Variants in C2CD3 observed in about 807,000 individuals in gnomAD.
The protein encoded by C2CD3 is C2 domain containing 3 centriole elongation regulator, also known as C2 domain-containing protein 3.
A neutral mutation model predicts 234.0 loss-of-function variants in C2CD3; 148 were observed. The ratio of observed to expected loss-of-function variants is 0.63; its 90% CI spans 0.55 to 0.72. C2CD3 has a LOEUF of 0.72. Ranked by LOEUF, C2CD3 falls within the 30% of genes least tolerant of loss-of-function variation. The pLI is 0.00. For missense variants in C2CD3, 2,577 were observed against 2,811.5 expected (o/e 0.92, Z 1.89); for synonymous variants, 1,000 against 1,035.4 (o/e 0.97, Z 0.66).
intron 20 of C2CD3, 24 bp downstream of exon 20, chr11:74,090,789 A>G: frequency 6.2e-7 from 1 of 1,613,802 alleles, no homozygotes; most frequent in Non-Finnish European, 8.5e-7. Context: ...AGGCTTGAGA[A>G]TTGCTTGTCT....
rs142703076 is a variant in C2CD3, at chr11:74,033,056, T to G, written c.6809+295A>C. On this transcript the variant is annotated intron_variant, in intron 31 of 32. Coordinates refer to ENST00000334126, the MANE Select transcript of C2CD3 (RefSeq NM_001286577.2). ...TTCAACTGATAAATAGTCTCATTCC[T>G]TAGATCCCAAGCCTTGCCTTCAGGT... Among the ~76,000 whole-genome samples, 1,257 of 152,322 alleles carry G rather than the reference T, an allele frequency of 8.3e-3. 16 individuals are homozygous for G. The highest frequency in any genetic ancestry group is 0.027 in the African/African-American group (1,102 of 41,570).
chr11:74,063,665 T>C (rs1422629574), intron 24 of C2CD3, among the ~76,000 whole-genome samples: 1 of 152,132 alleles, frequency 6.6e-6, no homozygotes, highest in Non-Finnish European at 1.5e-5. Context: ...CCACAGCCAA[T>C]ATCATCTGAA....
intron 3 of C2CD3, among the ~76,000 whole-genome samples, chr11:74,149,607 T>G (rs1855461188): frequency 6.6e-6 from 1 of 152,128 alleles, no homozygotes; most frequent in African/African-American, 2.4e-5. Context: ...CTTTTTTTTT[T>G]TTTTGAGAAA....
chr11:74,049,287 A>T lies in C2CD3; in HGVS notation c.5361+50T>A. 2 of 1,465,200 alleles carry T rather than the reference A, an allele frequency of 1.4e-6. 1 individual carries two copies. The highest frequency in any genetic ancestry group is 2.8e-5 in the African/African-American group (2 of 71,972). The allele number at this position is 1,465,200 out of a possible 1,614,324, so 90.8% of individuals were successfully genotyped here. A position where few individuals can be genotyped will look rare whatever the true frequency, so the allele number is the denominator to read the frequency against. On this transcript the variant is annotated intron_variant, in intron 27 of 32. Coordinates refer to ENST00000334126, the MANE Select transcript of C2CD3 (RefSeq NM_001286577.2). ...CCAAACATGAGTAAAGGATGTTCTT[A>T]TAGGTCAGTACAATTCGTATTGGTT...
At chr11:74,143,434 C>A (rs1017633383) in intron 3 of C2CD3, among the ~76,000 whole-genome samples, 2 of 151,314 alleles carry the variant, frequency 1.3e-5, no homozygotes, top group African/African-American at 4.8e-5. Context: ...CTCACTGTAA[C>A]CTTGAACTCC....
At chr11:74,146,377 T>C (rs562211337) in intron 3 of C2CD3, among the ~76,000 whole-genome samples, 1 of 152,330 alleles carries the variant, frequency 6.6e-6, no homozygotes, top group East Asian at 1.9e-4. Flanking sequence ...TTTGTGGCAT[T>C]CTTCTTTGTA....
chr11:74,133,625 C>T (rs1957753336), intron 5 of C2CD3, 68 bp from the exon 6 acceptor site: 1 of 1,547,570 alleles, frequency 6.5e-7, no homozygotes, highest in African/African-American at 1.4e-5. Flanking sequence ...ATATTCAGTG[C>T]ATTTCCTTCT....
intron 11 of C2CD3, among the ~76,000 whole-genome samples, chr11:74,111,788 ATTTT>A (rs559394136): frequency 6.7e-6 from 1 of 149,256 alleles, no homozygotes; most frequent in Non-Finnish European, 1.5e-5. Flanking sequence ...TTTTTTTGCG[ATTTT>A]TTTTTTAAGC....
chr11:74,091,044 A>T, intron 19 of C2CD3, 108 bp from the exon 20 acceptor site: 1 of 1,070,552 alleles, frequency 9.3e-7, no homozygotes. Context: ...ACTACAACGA[A>T]CAATAAGGGC....
At position 74,093,803 on chromosome 11, in the gene C2CD3, C is replaced by T. The variant is rs765999296; in HGVS notation, c.3344+13G>A. On this transcript the variant is annotated intron_variant, in intron 18 of 32. Coordinates refer to ENST00000334126, the MANE Select transcript of C2CD3 (RefSeq NM_001286577.2). ...TCCTTCCTAGGCATAGGACTGGGGT[C>T]TCCACACTGTACCTGCACCAGATTT... 8.1e-6 allele frequency: 13 copies of T among 1,610,996 alleles called. No individual in the cohort carries two copies. Among genetic ancestry groups the T allele is most frequent in the Non-Finnish European group, 1.0e-5 (12 of 1,177,886 alleles).
intron 22 of C2CD3, among the ~76,000 whole-genome samples, chr11:74,080,576 G>A (rs750701952): frequency 6.6e-6 from 1 of 152,162 alleles, no homozygotes; most frequent in Non-Finnish European, 1.5e-5. Flanking sequence ...TTAGCTTTGC[G>A]ATTCTATAAT....
intron 3 of C2CD3, among the ~76,000 whole-genome samples, chr11:74,140,946 C>T (rs1023915360): frequency 6.6e-6 from 1 of 151,994 alleles, no homozygotes; most frequent in Admixed American, 6.6e-5. Flanking sequence ...AATGGAGAAA[C>T]GCCTAATGGA....
At chr11:74,028,578 A>G (rs913939699) in intron 31 of C2CD3, among the ~76,000 whole-genome samples, 180 bp from the exon 32 acceptor site, 5 of 152,144 alleles carry the variant, frequency 3.3e-5, no homozygotes, top group Admixed American at 3.3e-4. Flanking sequence ...CTCCTAACAC[A>G]TATAAGTTTT....
intron 3 of C2CD3, 125 bp from the exon 4 acceptor site, chr11:74,139,953 T>A: frequency 2.1e-6 from 1 of 465,728 alleles, no homozygotes. Flanking sequence ...TGTCCCCCAT[T>A]CCCTAGAGGA....
intron 12 of C2CD3, 37 bp from the exon 13 acceptor site, chr11:74,106,530 A>C: frequency 6.3e-7 from 1 of 1,599,762 alleles, no homozygotes; most frequent in Non-Finnish European, 8.5e-7. Flanking sequence ...AGATTAATTA[A>C]AGAGAAGCCA....
intron 32 of C2CD3, among the ~76,000 whole-genome samples, chr11:74,015,970 A>C (rs1951866334): frequency 6.6e-6 from 1 of 151,950 alleles, no homozygotes; most frequent in African/African-American, 2.4e-5. Flanking sequence ...CCAGCTACTC[A>C]GGAGGCTGTG....
At chr11:74,023,230 G>A (rs899549403) in intron 32 of C2CD3, among the ~76,000 whole-genome samples, 3 of 152,208 alleles carry the variant, frequency 2.0e-5, no homozygotes, top group Non-Finnish European at 2.9e-5. Context: ...CAGCAATTAC[G>A]AGCCCTCTCC....
At chr11:74,074,208 C>A (rs1285616431) in intron 24 of C2CD3, 45 bp downstream of exon 24, 3 of 1,333,616 alleles carry the variant, frequency 2.2e-6, no homozygotes, top group South Asian at 2.6e-5. Context: ...AAGGAGCACA[C>A]CCTGAAGAGT....
chr11:74,152,865 T>G (rs1417069140), intron 3 of C2CD3, among the ~76,000 whole-genome samples: 1 of 152,176 alleles, frequency 6.6e-6, no homozygotes, highest in Non-Finnish European at 1.5e-5. Context: ...GGAAAAGTGT[T>G]CTTAAAACTT....
Sources: allele counts gnomAD v4.1 joint callset (sites outside exome capture counted in the v4.1 genomes callset), GRCh38; gene constraint gnomAD v4.1.1; transcripts MANE v1.5; gene names NCBI Gene and HGNC (gene_info 2026-07-23, HGNC 2026-07-21).